STRBP: variants seen among roughly 807,000 people sequenced by gnomAD.
STRBP encodes spermatid perinuclear RNA binding protein, also known as spermatid perinuclear RNA-binding protein.
STRBP carries 13 observed loss-of-function variants against 80.1 expected under a neutral mutation model. The ratio of observed to expected loss-of-function variants is 0.16; its 90% CI spans 0.11 to 0.26. STRBP has a LOEUF of 0.26. Ranked by LOEUF, STRBP falls within the 10% of genes least tolerant of loss-of-function variation. The probability of loss-of-function intolerance (pLI) is 1.00; values close to 1 mark genes in which losing one functional copy is unlikely to be tolerated. For missense variants in STRBP, 485 were observed against 815.2 expected (o/e 0.59, Z 4.93); for synonymous variants, 284 against 291.2 (o/e 0.98, Z 0.25).
At chr9:123,203,184 C>A (rs2039388696) in intron 2 of STRBP, among the ~76,000 whole-genome samples, 1 of 151,950 alleles carries the variant, frequency 6.6e-6, no homozygotes, top group South Asian at 2.1e-4. Flanking sequence ...AAGACCCTCT[C>A]TCTACAAAAA....
intron 1 of STRBP, among the ~76,000 whole-genome samples, chr9:123,253,344 C>T (rs367562264): frequency 6.6e-6 from 1 of 152,178 alleles, no homozygotes; most frequent in African/African-American, 2.4e-5. Flanking sequence ...CATAGTGGGA[C>T]AGGATAAAGT....
intron 18 of STRBP, among the ~76,000 whole-genome samples, chr9:123,127,946 A>C (rs905952695): frequency 5.9e-5 from 9 of 152,188 alleles, no homozygotes; most frequent in Admixed American, 2.6e-4. Flanking sequence ...CTGTAAGAAG[A>C]ACTACTTAAA....
intron 11 of STRBP, among the ~76,000 whole-genome samples, chr9:123,156,845 G>GAACA (rs2037309529): frequency 6.6e-6 from 1 of 152,048 alleles, no homozygotes; most frequent in Admixed American, 6.6e-5. Context: ...TCCATTGTTA[G>GAACA]AGGTAGGCTG....
intron 6 of STRBP, among the ~76,000 whole-genome samples, chr9:123,164,950 C>T (rs2037688919): frequency 6.6e-6 from 1 of 152,152 alleles, no homozygotes; most frequent in Non-Finnish European, 1.5e-5. Context: ...GACTTTTCTT[C>T]AGTGGCAGTC....
Position 123,157,948 on chromosome 9 carries a change from T to C in STRBP, c.1045+64A>G. On this transcript the variant is annotated intron_variant, in intron 11 of 18. Coordinates refer to ENST00000348403, the MANE Select transcript of STRBP (RefSeq NM_018387.5). ...AAGTTCCCTAAGTTGTAATGAGAGA[T>C]GAATCCCATGATTATCTCTACCAGT... 3 of 1,148,452 alleles carry C rather than the reference T, an allele frequency of 2.6e-6. No individual in the cohort carries two copies. In the South Asian group the frequency reaches 3.9e-5, roughly 15 times the overall value. 71.1% of individuals were successfully genotyped at this position (1,148,452 alleles called of 1,614,324 possible).
At position 123,136,809 on chromosome 9, in the gene STRBP, GA is replaced by G. The variant is rs111267922; in HGVS notation, c.1498-295del. 3.8e-3 allele frequency among the ~76,000 whole-genome samples: 586 copies of G among 152,282 alleles called. 2 individuals carry two copies. The highest frequency in any genetic ancestry group is 0.013 in the African/African-American group (523 of 41,546). Reference sequence around the variant, plus strand: ...CCAGGCTCTGCTCTGTAGTGTTCGTGATCTAAGAATAATACTCTAAATTACT... The same window carrying G: ...CCAGGCTCTGCTCTGTAGTGTTCGTGTCTAAGAATAATACTCTAAATTACT... On this transcript the variant is annotated intron_variant, in intron 14 of 18. Coordinates refer to ENST00000348403, the MANE Select transcript of STRBP (RefSeq NM_018387.5). The surrounding 1 kb of genome is among the most constrained non-coding windows in gnomAD (Gnocchi z 4.2).
chr9:123,179,031 T>A lies in STRBP; in HGVS notation c.200A>T (p.Asp67Val), dbSNP rs375432149. 1 of 1,614,166 alleles carries A rather than the reference T, an allele frequency of 6.2e-7. No individual in the cohort carries two copies. Reference sequence around the variant, plus strand: ...CTTGGAATAGTTTTCTCCGGCCTCATCTTTCTTCACTTCTGTCTCACCCTC... The same window carrying A: ...CTTGGAATAGTTTTCTCCGGCCTCAACTTTCTTCACTTCTGTCTCACCCTC... Reference protein sequence around the residue: ...KTEGETEVKKDEAGENYSKDQ... With the variant: ...KTEGETEVKKVEAGENYSKDQ... Residue 67 changes from aspartate (D) to valine (V), a missense_variant, in exon 4 of 19, where the codon GAT becomes GTT. Physicochemically the swap from Asp to Val is radical, Grantham distance 152 (BLOSUM62 -3). This residue lies in a region of STRBP where 377 missense variants were observed against 616.1 expected (regional missense o/e 0.61). Coordinates refer to ENST00000348403, the MANE Select transcript of STRBP (RefSeq NM_018387.5).
chr9:123,111,772 A>G (rs576895660), intron 3 of STRBP: 1 of 366,188 alleles, frequency 2.7e-6, no homozygotes, highest in Admixed American at 4.2e-5. Flanking sequence ...TTCACTAGAC[A>G]ATGCAAGAAG....
intron 1 of STRBP, among the ~76,000 whole-genome samples, chr9:123,264,005 C>A (rs2041215382): frequency 1.3e-5 from 2 of 152,334 alleles, no homozygotes; most frequent in Middle Eastern, 3.4e-3. Flanking sequence ...TGGTGAAACC[C>A]CGCCTCTACT....
At chr9:123,240,354 C>T (rs561679135) in intron 1 of STRBP, among the ~76,000 whole-genome samples, 1 of 152,102 alleles carries the variant, frequency 6.6e-6, no homozygotes, top group Non-Finnish European at 1.5e-5. Context: ...ATCTAGAGAT[C>T]CTGCATTTTC....
chr9:123,259,925 T>TA lies in STRBP; in HGVS notation c.-302+8510dup, dbSNP rs763351270. ...CACAGCTAATAGGTCAAATAAGAAATAAACTTCGTAGTCTTGACAGGTACA... is the reference window on the plus strand; with the variant it reads ...CACAGCTAATAGGTCAAATAAGAAATAAAACTTCGTAGTCTTGACAGGTACA... On this transcript the variant is annotated intron_variant, in intron 1 of 18. Transcript: ENST00000348403. 6.6e-5 allele frequency among the ~76,000 whole-genome samples: 10 copies of TA among 152,278 alleles called. No homozygotes were observed. The East Asian group carries it at 1.7e-3, about 26-fold the overall frequency.
chr9:123,214,908 T>C (rs79664490), intron 2 of STRBP, among the ~76,000 whole-genome samples: 2,554 of 152,280 alleles, frequency 0.017, 79 homozygotes, highest in African/African-American at 0.058. Flanking sequence ...TCTGGGCATA[T>C]AGATTGCTTC....
chr9:123,109,953 G>C (rs945603072), intron 3 of STRBP: 3 of 152,182 alleles, frequency 2.0e-5, no homozygotes, highest in Admixed American at 2.0e-4. Context: ...ATTTTAAATA[G>C]ATTTCTAAAA....
chr9:123,123,150 A>G lies in STRBP; in HGVS notation c.*2447T>C. 2.0e-6 allele frequency: 2 copies of G among 985,438 alleles called. No individual in the cohort carries two copies. Among genetic ancestry groups the G allele is most frequent in the Non-Finnish European group, 2.4e-6 (2 of 829,948 alleles). 61.0% of individuals were successfully genotyped at this position (985,438 alleles called of 1,614,324 possible). A position where few individuals can be genotyped will look rare whatever the true frequency, so the allele number is the denominator to read the frequency against. ...GTCAGAGAAGAAATCTTGAGGGCCC[A>G]AGTGAATAATAAATGGTGCGACGCT... On this transcript the variant is annotated 3_prime_UTR_variant, in exon 19 of 19. Transcript: ENST00000348403.
At chr9:123,116,021 C>T in exon 3 of STRBP, 1 of 456,294 alleles carries the variant, frequency 2.2e-6, no homozygotes, top group Non-Finnish European at 4.4e-6. Context: ...TTTCAGCTTT[C>T]CTGAGTTCCC....
At chr9:123,260,290 A>G (rs146523085) in intron 1 of STRBP, among the ~76,000 whole-genome samples, 1,792 of 152,338 alleles carry the variant, frequency 0.012, 22 homozygotes, top group Non-Finnish European at 0.019. Context: ...GTGGGCAATA[A>G]TTCCAGAGTA....
chr9:123,122,272 GGA>G lies in STRBP; in HGVS notation c.*3323_*3324del. On this transcript the variant is annotated 3_prime_UTR_variant, in exon 19 of 19. Transcript: ENST00000348403. ...AAGTGATATGGCTACGAAGGTCCGA[GGA>G]GAACGAGAATAAAGTGAGATAAACG... 8.0e-7 allele frequency: 1 copy of G among 1,247,838 alleles called. No individual in the cohort carries two copies. Among genetic ancestry groups the G allele is most frequent in the Non-Finnish European group, 1.1e-6 (1 of 951,714 alleles). 77.3% of individuals were successfully genotyped at this position (1,247,838 alleles called of 1,614,324 possible).
At chr9:123,227,567 C>CTTTTTTTTTTTTT (rs113678606) in intron 2 of STRBP, among the ~76,000 whole-genome samples, 3 of 113,452 alleles carry the variant, frequency 2.6e-5, no homozygotes, top group Admixed American at 9.0e-5. Context: ...TTTTTTTTTT[C>CTTTTTTTTTTTTT]TTTTTTTTTT....
intron 1 of STRBP, among the ~76,000 whole-genome samples, chr9:123,263,749 T>C (rs1376847422): frequency 1.3e-5 from 2 of 152,116 alleles, no homozygotes; most frequent in Non-Finnish European, 2.9e-5. Flanking sequence ...GAAGGAGTAT[T>C]CAGTAAATCA....
Sources: gnomAD v4.1 joint callset for allele counts (sites outside exome capture counted in the v4.1 genomes callset) on GRCh38, gnomAD v4.1.1 for gene constraint, gnomAD v4.1.1 regional missense constraint, Gnocchi (gnomAD v3.1) non-coding constraint, MANE v1.5 for transcripts, NCBI Gene and HGNC (gene_info 2026-07-23, HGNC 2026-07-21) for gene names.